Variants in FRYL observed in about 807,000 individuals in gnomAD.
FRYL encodes protein furry homolog-like.
FRYL carries 150 observed loss-of-function variants against 351.2 expected under a neutral mutation model. That is an observed-to-expected ratio of 0.43 (90% CI 0.37 to 0.49). FRYL has a LOEUF of 0.49. Among genes scored for constraint, FRYL ranks in the 20% least tolerant of loss-of-function variants. The probability of loss-of-function intolerance (pLI) is 0.00; values close to 1 mark genes in which losing one functional copy is unlikely to be tolerated. For missense variants in FRYL, 3,036 were observed against 3,619.3 expected, an observed-to-expected ratio of 0.84 and a Z score of 4.13; for synonymous variants, 1,153 against 1,257.1, an observed-to-expected ratio of 0.92 and a Z score of 1.75.
intron 3 of FRYL, chr4:48,653,786 T>C (rs780132411): frequency 7.2e-5 from 93 of 1,290,278 alleles, no homozygotes; most frequent in Non-Finnish European, 8.8e-5. Flanking sequence ...AGACTCAACA[T>C]AGTGTCTCAA....
intron 1 of FRYL, among the ~76,000 whole-genome samples, chr4:48,713,273 G>A (rs1768320873): frequency 6.6e-6 from 1 of 151,528 alleles, no homozygotes; most frequent in Non-Finnish European, 1.5e-5. Flanking sequence ...ATGTAATAAA[G>A]TCCATTTAAA....
At chr4:48,629,346 A>G (rs1376987204) in intron 4 of FRYL, among the ~76,000 whole-genome samples, 1 of 152,216 alleles carries the variant, frequency 6.6e-6, no homozygotes, top group Non-Finnish European at 1.5e-5. Flanking sequence ...CTAAAACAAA[A>G]GAACAAAAAG....
chr4:48,662,406 C>G (rs556630137), intron 3 of FRYL, among the ~76,000 whole-genome samples: 1 of 151,830 alleles, frequency 6.6e-6, no homozygotes, highest in Non-Finnish European at 1.5e-5. Context: ...GAGCGAGACC[C>G]TGTCTCTAAA....
chr4:48,535,108 T>C (rs1344062823), intron 48 of FRYL, among the ~76,000 whole-genome samples: 1 of 152,178 alleles, frequency 6.6e-6, no homozygotes, highest in Non-Finnish European at 1.5e-5. Context: ...TACTTTATCA[T>C]CCATTTTTTG....
chr4:48,712,625 T>C (rs370068920), intron 1 of FRYL, among the ~76,000 whole-genome samples: 5 of 152,220 alleles, frequency 3.3e-5, no homozygotes, highest in East Asian at 1.9e-4. Flanking sequence ...GAGAATGGAA[T>C]CAAGTTGGAA....
chr4:48,738,650 A>G (rs978564643), intron 1 of FRYL, among the ~76,000 whole-genome samples: 1 of 148,514 alleles, frequency 6.7e-6, no homozygotes, highest in South Asian at 2.1e-4. Flanking sequence ...GGAATATGCC[A>G]CCATACATGG....
intron 2 of FRYL, among the ~76,000 whole-genome samples, chr4:48,704,689 C>T (rs1373910401): frequency 1.3e-5 from 2 of 152,080 alleles, no homozygotes; most frequent in African/African-American, 2.4e-5. Context: ...TGGCTCAGGC[C>T]TTTAATCCCA....
intron 27 of FRYL, among the ~76,000 whole-genome samples, chr4:48,569,947 G>C (rs1737885058): frequency 6.6e-6 from 1 of 152,100 alleles, no homozygotes; most frequent in Non-Finnish European, 1.5e-5. Context: ...CAGGTATCTG[G>C]GACTACTGGT....
intron 1 of FRYL, among the ~76,000 whole-genome samples, chr4:48,748,273 T>C (rs1179283415): frequency 6.6e-6 from 1 of 151,984 alleles, no homozygotes; most frequent in Admixed American, 6.6e-5. Context: ...ATAAAAATTA[T>C]ATATATGCAT....
intron 3 of FRYL, chr4:48,645,865 C>G (rs1756364867): frequency 6.6e-6 from 1 of 152,144 alleles, no homozygotes; most frequent in East Asian, 1.9e-4. Flanking sequence ...TCAAGTAGTT[C>G]TATTCCAACC....
At chr4:48,696,137 G>A (rs1158461560) in intron 2 of FRYL, among the ~76,000 whole-genome samples, 2 of 152,066 alleles carry the variant, frequency 1.3e-5, no homozygotes, top group Non-Finnish European at 2.9e-5. Context: ...CAAGGATCTA[G>A]AACCAGAAAT....
At chr4:48,661,706 T>C (rs1760760129) in intron 3 of FRYL, among the ~76,000 whole-genome samples, 1 of 152,178 alleles carries the variant, frequency 6.6e-6, no homozygotes, top group Non-Finnish European at 1.5e-5. Context: ...CAACATCCAA[T>C]TGAAATGTAT....
rs564448561 is a variant in FRYL at position 48,641,378 on chromosome 4, A to T, written c.-80-6888T>A. Reference sequence around the variant, plus strand: ...ATGGGAACAAAATATAATTTAATATATAAAATATTATCTTTTTAGTCTAAC... The same window carrying T: ...ATGGGAACAAAATATAATTTAATATTTAAAATATTATCTTTTTAGTCTAAC... On this transcript the variant is annotated intron_variant, in intron 3 of 63. Transcript: ENST00000358350. Among the ~76,000 whole-genome samples, 5 of 152,268 alleles carry T rather than the reference A, an allele frequency of 3.3e-5. No homozygotes were observed. In the East Asian group the frequency reaches 9.6e-4, roughly 29 times the overall value.
At chr4:48,655,981 T>C (rs1351866943) in intron 3 of FRYL, among the ~76,000 whole-genome samples, 1 of 138,772 alleles carries the variant, frequency 7.2e-6, no homozygotes, top group Non-Finnish European at 1.5e-5. Context: ...GCATTATATA[T>C]AATGTGCAAT....
intron 1 of FRYL, among the ~76,000 whole-genome samples, chr4:48,751,490 G>A (rs139106686): frequency 4.6e-4 from 70 of 152,238 alleles, no homozygotes; most frequent in African/African-American, 1.5e-3. Context: ...ACATCATTTC[G>A]GGGAGTCCTT....
intron 3 of FRYL, among the ~76,000 whole-genome samples, chr4:48,672,459 C>T (rs1337343504): frequency 6.6e-6 from 1 of 152,176 alleles, no homozygotes; most frequent in African/African-American, 2.4e-5. Flanking sequence ...ACTCCGAAGA[C>T]CCTCTTAAGA....
chr4:48,738,156 C>T (rs954482156), intron 1 of FRYL, among the ~76,000 whole-genome samples: 6 of 152,120 alleles, frequency 3.9e-5, no homozygotes, highest in African/African-American at 1.4e-4. Flanking sequence ...AAAAGGAAGA[C>T]ATAAAACTGT....
At chr4:48,628,756 T>A (rs945445999) in intron 4 of FRYL, among the ~76,000 whole-genome samples, 3 of 152,076 alleles carry the variant, frequency 2.0e-5, no homozygotes, top group African/African-American at 7.2e-5. Context: ...GATCACCATA[T>A]GTATTACCAC....
At chr4:48,776,228 T>C (rs952086221) in intron 1 of FRYL, among the ~76,000 whole-genome samples, 2 of 151,464 alleles carry the variant, frequency 1.3e-5, no homozygotes, top group African/African-American at 4.8e-5. Context: ...GCTCAAGCCA[T>C]CTTCCCGCCT....
Sources: allele counts gnomAD v4.1 joint callset (sites outside exome capture counted in the v4.1 genomes callset), GRCh38; gene constraint gnomAD v4.1.1; transcripts MANE v1.5; gene names NCBI Gene and HGNC (gene_info 2026-07-23, HGNC 2026-07-21).